Variants in PRIM2 observed in about 807,000 individuals in gnomAD.
PRIM2 encodes DNA primase subunit 2, also known as DNA primase large subunit.
PRIM2 carries 39 observed loss-of-function variants against 67.3 expected under a neutral mutation model. The ratio of observed to expected loss-of-function variants is 0.58; its 90% CI spans 0.45 to 0.76. The LOEUF (loss-of-function observed/expected upper bound fraction) is 0.76, where lower values mean the gene tolerates loss of function less well. Ranked by LOEUF, PRIM2 falls within the 30% of genes least tolerant of loss-of-function variation. PRIM2 has a pLI of 0.00. For missense variants in PRIM2, 398 were observed against 598.7 expected, an observed-to-expected ratio of 0.66 and a Z score of 3.50; for synonymous variants, 143 against 198.7, an observed-to-expected ratio of 0.72 and a Z score of 2.36.
intron 7 of PRIM2, among the ~76,000 whole-genome samples, chr6:57,462,333 A>G (rs1430795361): frequency 6.6e-6 from 1 of 150,976 alleles, no homozygotes; most frequent in Non-Finnish European, 1.5e-5. Context: ...TAGCATTTTC[A>G]GTTTTATGCA....
chr6:57,326,045 T>C lies in PRIM2; in HGVS notation c.459T>C (p.Ala153=). Residue 153 remains alanine, a splice_region_variant and synonymous_variant, in exon 5 of 14, where the codon GCT becomes GCC. Coordinates refer to ENST00000615550, the MANE Select transcript of PRIM2 (RefSeq NM_000947.5). The part of the protein sequence containing the change: ...FLKDSQLQFE[A]ISDEEKTLRE... ...AGGATAGCCAATTGCAGTTTGAGGCTGTAAGTATATTTTTGTAGTTATTTC... is the reference window on the plus strand; with the variant it reads ...AGGATAGCCAATTGCAGTTTGAGGCCGTAAGTATATTTTTGTAGTTATTTC... 1 of 1,609,780 alleles carries C rather than the reference T, an allele frequency of 6.2e-7. No individual in the cohort carries two copies.
intron 7 of PRIM2, among the ~76,000 whole-genome samples, chr6:57,400,157 G>T (rs1387891082): frequency 6.6e-6 from 1 of 152,272 alleles, no homozygotes; most frequent in African/African-American, 2.4e-5. Context: ...TTGTTAGCTG[G>T]TTATTCTGCT....
At chr6:57,412,623 G>T (rs1332123634) in intron 7 of PRIM2, among the ~76,000 whole-genome samples, 2 of 152,012 alleles carry the variant, frequency 1.3e-5, no homozygotes, top group African/African-American at 4.8e-5. Flanking sequence ...AAATATCTTG[G>T]CTAACATGAT....
chr6:57,577,246 T>A (rs1480504725), intron 10 of PRIM2, among the ~76,000 whole-genome samples: 1 of 152,094 alleles, frequency 6.6e-6, no homozygotes, highest in Admixed American at 6.6e-5. Flanking sequence ...ACTTTGAACA[T>A]GTCATAACAA....
At chr6:57,533,261 T>A in intron 9 of PRIM2, among the ~76,000 whole-genome samples, 1 of 152,044 alleles carries the variant, frequency 6.6e-6, no homozygotes, top group Non-Finnish European at 1.5e-5. Flanking sequence ...GAATTTCTCT[T>A]TAATACATAA....
intron 7 of PRIM2, among the ~76,000 whole-genome samples, chr6:57,465,186 TC>T (rs1773143937): frequency 6.6e-6 from 1 of 152,154 alleles, no homozygotes; most frequent in African/African-American, 2.4e-5. Context: ...TGTGTGGAAA[TC>T]CCTTCTCCCT....
chr6:57,385,567 AC>A, intron 7 of PRIM2, among the ~76,000 whole-genome samples: 1 of 152,282 alleles, frequency 6.6e-6, no homozygotes, highest in Middle Eastern at 3.4e-3. Flanking sequence ...TAACCTCCAG[AC>A]CCCATTCAAG....
At chr6:57,517,780 A>G (rs1774518337) in intron 8 of PRIM2, among the ~76,000 whole-genome samples, 1 of 152,044 alleles carries the variant, frequency 6.6e-6, no homozygotes, top group Non-Finnish European at 1.5e-5. Context: ...TCTCACATCT[A>G]CTGGTGGGGA....
the PRIM2 span, among the ~76,000 whole-genome samples, chr6:57,272,210 C>T: frequency 6.6e-6 from 1 of 152,038 alleles, no homozygotes; most frequent in South Asian, 2.1e-4. Flanking sequence ...GTTGATCTTT[C>T]TAATGTTGAC....
intron 7 of PRIM2, among the ~76,000 whole-genome samples, chr6:57,429,921 A>G (rs1771761892): frequency 6.6e-6 from 1 of 152,192 alleles, no homozygotes; most frequent in Admixed American, 6.5e-5. Flanking sequence ...CCCAATGGCT[A>G]GTGCTGTTGA....
At chr6:57,611,628 A>G (rs1405488804) in intron 12 of PRIM2, among the ~76,000 whole-genome samples, 2 of 152,206 alleles carry the variant, frequency 1.3e-5, no homozygotes, top group African/African-American at 4.8e-5. Flanking sequence ...CCAAGCTTAT[A>G]TAAAAATTAT....
At chr6:57,564,745 TG>T (rs1393473356) in intron 10 of PRIM2, among the ~76,000 whole-genome samples, 1 of 152,078 alleles carries the variant, frequency 6.6e-6, no homozygotes, top group Non-Finnish European at 1.5e-5. Context: ...GCTCTGAAAA[TG>T]TTTTGAGGCT....
rs1345522469 is a variant in PRIM2, at chr6:57,611,302, A to G, written c.1230+4845A>G. 5.7e-3 allele frequency among the ~76,000 whole-genome samples: 871 copies of G among 152,360 alleles called. 7 individuals carry two copies. The highest frequency in any genetic ancestry group is 9.9e-3 in the Non-Finnish European group (673 of 68,010). On this transcript the variant is annotated intron_variant, in intron 12 of 13. Coordinates refer to ENST00000615550, the MANE Select transcript of PRIM2 (RefSeq NM_000947.5). Reference sequence around the variant, plus strand: ...GCAGTACCAGAAATCCAAAATATACATAAGATCTTTATATGAAAGACTGAT... The same window carrying G: ...GCAGTACCAGAAATCCAAAATATACGTAAGATCTTTATATGAAAGACTGAT...
chr6:57,348,999 C>T (rs1768771931), intron 5 of PRIM2, among the ~76,000 whole-genome samples: 1 of 152,042 alleles, frequency 6.6e-6, no homozygotes, highest in Non-Finnish European at 1.5e-5. Flanking sequence ...CCTGCTTCGG[C>T]CTTCCAAAGT....
the PRIM2 span, among the ~76,000 whole-genome samples, chr6:57,285,205 G>A: frequency 2.0e-5 from 3 of 152,156 alleles, no homozygotes; most frequent in Non-Finnish European, 4.4e-5. Flanking sequence ...TATAAAGACA[G>A]CTGGTACCAT....
chr6:57,238,089 C>T, the PRIM2 span, among the ~76,000 whole-genome samples: 1 of 152,158 alleles, frequency 6.6e-6, no homozygotes, highest in Admixed American at 6.5e-5. Flanking sequence ...TACAAAGAGA[C>T]TTAGACTCCC....
the PRIM2 span, among the ~76,000 whole-genome samples, chr6:57,254,493 C>T: frequency 6.6e-6 from 1 of 152,200 alleles, no homozygotes; most frequent in Non-Finnish European, 1.5e-5. Flanking sequence ...ACAACTGTTT[C>T]AGCACTGACG....
the PRIM2 span, among the ~76,000 whole-genome samples, chr6:57,290,389 C>T: frequency 5.9e-5 from 9 of 152,104 alleles, no homozygotes; most frequent in South Asian, 2.1e-4. Flanking sequence ...GACTTAGACT[C>T]GCACACAATA....
the PRIM2 span, among the ~76,000 whole-genome samples, chr6:57,262,552 C>A: frequency 3.9e-5 from 6 of 152,220 alleles, 1 homozygote; most frequent in East Asian, 5.8e-4. Context: ...TGAGGCTTTG[C>A]CGAGGCTGAA....
Sources: allele counts gnomAD v4.1 joint callset (sites outside exome capture counted in the v4.1 genomes callset), GRCh38; gene constraint gnomAD v4.1.1; transcripts MANE v1.5; gene names NCBI Gene and HGNC (gene_info 2026-07-23, HGNC 2026-07-21).